The following CNGB1 variants were observed in gnomAD, a reference collection of about 807,000 sequenced individuals.
The protein encoded by CNGB1 is cyclic nucleotide gated channel subunit beta 1, also known as cyclic nucleotide-gated channel beta-1.
In CNGB1, 126 loss-of-function variants were observed where a neutral mutation model predicts 151.7. The ratio of observed to expected loss-of-function variants is 0.83; its 90% CI spans 0.72 to 0.96. CNGB1 has a LOEUF of 0.96. Among genes scored for constraint, CNGB1 ranks in the 40% least tolerant of loss-of-function variants. The pLI, the probability that CNGB1 is intolerant of heterozygous loss-of-function variation, is 0.00. For missense variants in CNGB1, 1,698 were observed against 1,627.0 expected (o/e 1.04, Z -0.75); for synonymous variants, 623 against 635.1 (o/e 0.98, Z 0.29).
At chr16:57,916,850 C>T (rs1006633805) in intron 21 of CNGB1, among the ~76,000 whole-genome samples, 6 of 152,244 alleles carry the variant, frequency 3.9e-5, no homozygotes, top group South Asian at 2.1e-4. Flanking sequence ...CTGTGCTGAG[C>T]GCCCCGCATG....
chr16:57,970,776 CG>C (rs1962521680), intron 1 of CNGB1, among the ~76,000 whole-genome samples: 1 of 152,102 alleles, frequency 6.6e-6, no homozygotes, highest in Non-Finnish European at 1.5e-5. Flanking sequence ...AGTGGCAGCT[CG>C]GGGAGCCATG....
intron 24 of CNGB1, among the ~76,000 whole-genome samples, chr16:57,912,720 T>C (rs1960756025): frequency 6.6e-6 from 1 of 151,180 alleles, no homozygotes; most frequent in Admixed American, 6.6e-5. Context: ...TGCACGTATG[T>C]ATGTGTTGTG....
Position 57,897,520 on chromosome 16 carries a change from T to G in CNGB1, c.3119A>C (p.Asn1040Thr). The G allele has an allele frequency of 6.2e-7, 1 of 1,614,094 alleles. No homozygotes were observed. Among genetic ancestry groups the G allele is most frequent in the Non-Finnish European group, 8.5e-7 (1 of 1,180,012 alleles). ...CGCCACCACGTTGGCCGTGCGCCGGTTCCCGCCCCCAACAGCCAGCAAGCT... is the reference window on the plus strand; with the variant it reads ...CGCCACCACGTTGGCCGTGCGCCGGGTCCCGCCCCCAACAGCCAGCAAGCT... The part of the protein sequence containing the change: ...EISLLAVGGG[N>T]RRTANVVAHG... Residue 1040 changes from asparagine to threonine, a missense_variant, in exon 31 of 33, where the codon AAC (asparagine) becomes ACC (threonine). Transcript: ENST00000251102.
intron 17 of CNGB1, among the ~76,000 whole-genome samples, chr16:57,929,708 C>G (rs560660958): frequency 1.6e-4 from 25 of 152,274 alleles, no homozygotes; most frequent in Middle Eastern, 3.4e-3. Flanking sequence ...AGTTTTAAAC[C>G]ATTGGATCTC....
In CNGB1 at chr16:57,883,611, G is replaced by C. The variant is rs915498065; in HGVS notation, c.*553C>G. On this transcript the variant is annotated 3_prime_UTR_variant, in exon 33 of 33. Transcript: ENST00000251102. ...TGTTTTTGTTTTTGTTTGAGATGAG[G>C]TCTCGCTATGTTGCCCAGTCTGCTC... The C allele has an allele frequency of 8.2e-5, 14 of 169,982 alleles. No homozygotes were observed. The highest frequency in any genetic ancestry group is 2.9e-4 in the African/African-American group (12 of 41,508). The allele number at this position is 169,982 out of a possible 1,614,324, so 10.5% of individuals were successfully genotyped here.
chr16:57,962,770 C>A, intron 6 of CNGB1, 72 bp downstream of exon 6: 4 of 1,595,128 alleles, frequency 2.5e-6, no homozygotes, highest in Non-Finnish European at 3.4e-6. Flanking sequence ...TCCCAAGGGG[C>A]AGGGCCCATC....
intron 7 of CNGB1, among the ~76,000 whole-genome samples, 169 bp downstream of exon 7, chr16:57,962,396 C>T (rs1208558144): frequency 6.6e-6 from 1 of 152,198 alleles, no homozygotes; most frequent in Non-Finnish European, 1.5e-5. Context: ...CCATGAGCAG[C>T]ACACGGTCCA....
chr16:57,898,014 C>A (rs908891741), intron 29 of CNGB1, 100 bp from the exon 30 acceptor site: 10 of 1,226,184 alleles, frequency 8.2e-6, no homozygotes, highest in Non-Finnish European at 1.1e-5. Flanking sequence ...CAAGGAGGAA[C>A]CTAGGCACTG....
At chr16:57,954,539 G>C in intron 12 of CNGB1, 1 of 316,410 alleles carries the variant, frequency 3.2e-6, no homozygotes, top group Non-Finnish European at 4.6e-6. Flanking sequence ...AGGACCCCCA[G>C]CTCAGGACCC....
At position 57,884,266 on chromosome 16, in the gene CNGB1, G is replaced by C. The variant is rs771439069; in HGVS notation, c.3654C>G (p.Pro1218=). 3 of 1,613,546 alleles carry C rather than the reference G, an allele frequency of 1.9e-6. No homozygotes were observed. In the African/African-American group the frequency reaches 4.0e-5, roughly 22 times the overall value. ...PEGEEEGPAE[P]EEHSVRICMS... ...TGCAGATCCTCACCGAGTGCTCTTC[G>C]GGCTCGGCCGGCCCCTCCTCCTCTC... The change falls in exon 33 of 33, where the codon CCC becomes CCG. Residue 1218 remains proline (P), a synonymous_variant. Coordinates refer to ENST00000251102, the MANE Select transcript of CNGB1 (RefSeq NM_001297.5).
intron 25 of CNGB1, among the ~76,000 whole-genome samples, chr16:57,905,242 T>C (rs1043631768): frequency 2.6e-5 from 4 of 152,220 alleles, no homozygotes; most frequent in Non-Finnish European, 2.9e-5. Flanking sequence ...ATTTTCAGTC[T>C]TTTCATTTGC....
chr16:57,954,969 G>A (rs532591529), intron 12 of CNGB1: 8 of 1,096,432 alleles, frequency 7.3e-6, no homozygotes, highest in Non-Finnish European at 8.9e-6. Flanking sequence ...CGGTGGTCTC[G>A]AACTTCGGGG....
intron 32 of CNGB1, among the ~76,000 whole-genome samples, 154 bp downstream of exon 32, chr16:57,887,701 A>G (rs1176132344): frequency 6.6e-6 from 1 of 152,190 alleles, no homozygotes; most frequent in Non-Finnish European, 1.5e-5. Flanking sequence ...TTGAGCTTGC[A>G]CTCTGTCACT....
At chr16:57,952,958 G>C (rs11867135) in intron 12 of CNGB1, among the ~76,000 whole-genome samples, 4,392 of 152,268 alleles carry the variant, frequency 0.029, 188 homozygotes, top group African/African-American at 0.1. Flanking sequence ...CAGCCCCCAG[G>C]GCAGGCCCCC....
At chr16:57,936,619 C>T (rs868259777) in intron 16 of CNGB1, among the ~76,000 whole-genome samples, 27 of 152,082 alleles carry the variant, frequency 1.8e-4, no homozygotes, top group Middle Eastern at 6.8e-3. Context: ...ATAGCAAAAC[C>T]CCGTCTCTAC....
At chr16:57,936,603 G>A (rs1262056737) in intron 16 of CNGB1, among the ~76,000 whole-genome samples, 18 of 152,204 alleles carry the variant, frequency 1.2e-4, no homozygotes, top group African/African-American at 4.3e-4. Context: ...GACCAGCCTG[G>A]CCAACATAGC....
At chr16:57,941,708 T>C (rs182234549) in intron 14 of CNGB1, among the ~76,000 whole-genome samples, 2 of 152,198 alleles carry the variant, frequency 1.3e-5, no homozygotes, top group African/African-American at 4.8e-5. Flanking sequence ...CGCAATACAA[T>C]AAAGGTCATA....
At chr16:57,917,547 G>T in intron 20 of CNGB1, 71 bp from the exon 21 acceptor site, 1 of 1,496,118 alleles carries the variant, frequency 6.7e-7, no homozygotes, top group Non-Finnish European at 9.3e-7. Flanking sequence ...GATCAGGTAG[G>T]GTTTTGTTCT....
At chr16:57,913,774 CCCAG>C (rs1481844054) in intron 23 of CNGB1, among the ~76,000 whole-genome samples, 1 of 152,218 alleles carries the variant, frequency 6.6e-6, no homozygotes, top group East Asian at 1.9e-4. Context: ...AGCCGCCACA[CCCAG>C]CCAGCACATA....
Sources: gnomAD v4.1 joint callset for allele counts (sites outside exome capture counted in the v4.1 genomes callset) on GRCh38, gnomAD v4.1.1 for gene constraint, MANE v1.5 for transcripts, NCBI Gene and HGNC (gene_info 2026-07-23, HGNC 2026-07-21) for gene names.